PCSK5: variants seen among roughly 807,000 people sequenced by gnomAD.
PCSK5 encodes prohormone convertase 5.
A neutral mutation model predicts 233.2 loss-of-function variants in PCSK5; 129 were observed. That is an observed-to-expected ratio of 0.55 (90% CI 0.48 to 0.64). The LOEUF is 0.64. Ranked by LOEUF, PCSK5 falls within the 30% of genes least tolerant of loss-of-function variation. The pLI, the probability that PCSK5 is intolerant of heterozygous loss-of-function variation, is 0.00. For missense variants in PCSK5, 2,076 were observed against 2,430.1 expected (o/e 0.85, Z 3.06); for synonymous variants, 825 against 879.2 (o/e 0.94, Z 1.09).
In PCSK5 at chr9:76,240,666, T is replaced by C. The variant is rs1284134736; in HGVS notation, c.3124T>C (p.Cys1042Arg). The stretch of plus-strand genomic sequence containing the variant: ...AGAATGTGTCCCTTGTGAAGAAGGA[T>C]GTCTGGGATGCAGCTTGGGTATGTC... ...YEECVPCEEG[C>R]LGCSLDDPGT... Residue 1042 changes from cysteine to arginine, a missense_variant, in exon 24 of 38, where the codon TGT becomes CGT. By Grantham distance (180) the Cys-to-Arg change is radical (BLOSUM62 -3). Coordinates refer to ENST00000674117, the MANE Select transcript of PCSK5 (RefSeq NM_001372043.1). 6.3e-7 allele frequency: 1 copy of C among 1,582,308 alleles called. No homozygotes were observed. The highest frequency in any genetic ancestry group is 1.2e-5 in the South Asian group (1 of 86,452).
intron 30 of PCSK5, among the ~76,000 whole-genome samples, chr9:76,316,841 G>T (rs1239444729): frequency 6.6e-6 from 1 of 151,446 alleles, no homozygotes; most frequent in African/African-American, 2.4e-5. Context: ...AACTGCTGGT[G>T]GGCATATAAC....
intron 6 of PCSK5, among the ~76,000 whole-genome samples, chr9:76,071,136 A>C (rs965260981): frequency 6.6e-6 from 1 of 152,236 alleles, no homozygotes; most frequent in African/African-American, 2.4e-5. Context: ...ATAACTAAAC[A>C]TTGCTAAAAA....
chr9:76,330,784 T>C (rs1281620129), intron 33 of PCSK5, among the ~76,000 whole-genome samples: 2 of 152,250 alleles, frequency 1.3e-5, no homozygotes, highest in East Asian at 1.9e-4. Context: ...ACCAGTCTTC[T>C]CTATCCATCT....
At chr9:75,953,236 G>A (rs1299483669) in intron 2 of PCSK5, among the ~76,000 whole-genome samples, 1 of 152,114 alleles carries the variant, frequency 6.6e-6, no homozygotes, top group Non-Finnish European at 1.5e-5. Context: ...GCAAGTATGT[G>A]TAATCCACCC....
intron 24 of PCSK5, among the ~76,000 whole-genome samples, chr9:76,260,577 G>C (rs1418985135): frequency 6.6e-6 from 1 of 152,166 alleles, no homozygotes; most frequent in Admixed American, 6.5e-5. Context: ...TCAGCTGATA[G>C]CTAGCAAGGA....
chr9:76,103,540 A>C (rs116890473), intron 8 of PCSK5, among the ~76,000 whole-genome samples: 7,532 of 152,234 alleles, frequency 0.049, 294 homozygotes, highest in Non-Finnish European at 0.071. Flanking sequence ...AAGTAATGAA[A>C]TGTGAAATAC....
Position 76,175,063 on chromosome 9 carries a change from G to A in PCSK5, c.1834G>A (p.Val612Met), listed in dbSNP as rs2131196848. 2 of 1,614,184 alleles carry A rather than the reference G, an allele frequency of 1.2e-6. No homozygotes were observed. The highest frequency in any genetic ancestry group is 4.5e-5 in the East Asian group (2 of 44,882). ...PYSPTNEFPK[V>M]ERFRYSRVED... Reference sequence around the variant, plus strand: ...TTCACCAACCAATGAATTTCCGAAAGTGGAACGGTTCCGCTATAGCCGAGT... The same window carrying A: ...TTCACCAACCAATGAATTTCCGAAAATGGAACGGTTCCGCTATAGCCGAGT... Residue 612 changes from valine to methionine, a missense_variant, in exon 14 of 38, where the codon GTG (valine) becomes ATG (methionine). By Grantham distance (21) the Val-to-Met change is conservative. This residue lies in a region of PCSK5 where 84 missense variants were observed against 108.8 expected (regional missense o/e 0.77). Coordinates refer to ENST00000674117, the MANE Select transcript of PCSK5 (RefSeq NM_001372043.1).
intron 24 of PCSK5, among the ~76,000 whole-genome samples, chr9:76,246,978 C>T (rs550510522): frequency 1.6e-4 from 25 of 152,300 alleles, no homozygotes; most frequent in Admixed American, 1.0e-3. Flanking sequence ...TTCCAAGGAA[C>T]GGAATCTTGC....
chr9:75,973,597 A>G (rs972234502), intron 2 of PCSK5, among the ~76,000 whole-genome samples: 2 of 152,186 alleles, frequency 1.3e-5, no homozygotes, highest in African/African-American at 4.8e-5. Flanking sequence ...TCTCCGGGAA[A>G]TCTAATTAGA....
chr9:76,152,616 G>C (rs944549346), intron 10 of PCSK5, among the ~76,000 whole-genome samples: 2 of 152,120 alleles, frequency 1.3e-5, no homozygotes, highest in African/African-American at 2.4e-5. Context: ...TAATAATCGT[G>C]TTAGTGTCAT....
At chr9:76,265,338 A>T (rs568595402) in intron 24 of PCSK5, among the ~76,000 whole-genome samples, 6 of 152,224 alleles carry the variant, frequency 3.9e-5, no homozygotes, top group Admixed American at 3.9e-4. Flanking sequence ...CCTAAACCAC[A>T]GTGTCACTCG....
At chr9:75,992,234 C>T (rs912286629) in intron 3 of PCSK5, among the ~76,000 whole-genome samples, 2 of 152,170 alleles carry the variant, frequency 1.3e-5, no homozygotes, top group African/African-American at 4.8e-5. Context: ...ATCACTTGCG[C>T]TGAATTCGAA....
chr9:76,006,923 T>C (rs531536306), intron 3 of PCSK5, among the ~76,000 whole-genome samples: 1 of 152,304 alleles, frequency 6.6e-6, no homozygotes, highest in South Asian at 2.1e-4. Context: ...TCTTGAAGTG[T>C]AATGTTAAAG....
chr9:76,026,653 T>C (rs573591213), intron 4 of PCSK5, among the ~76,000 whole-genome samples: 1 of 152,288 alleles, frequency 6.6e-6, no homozygotes, highest in Admixed American at 6.5e-5. Context: ...CTTTGAAAGA[T>C]ATACGTTTCA....
chr9:75,939,786 C>G (rs1313508594), intron 2 of PCSK5, among the ~76,000 whole-genome samples: 1 of 152,128 alleles, frequency 6.6e-6, no homozygotes, highest in Non-Finnish European at 1.5e-5. Context: ...AAGGTTCTAG[C>G]CTATCAATCT....
At chr9:76,244,588 G>A (rs1194411598) in intron 24 of PCSK5, among the ~76,000 whole-genome samples, 1 of 91,980 alleles carries the variant, frequency 1.1e-5, no homozygotes, top group Non-Finnish European at 2.2e-5. Flanking sequence ...TTTTAGCTTT[G>A]TATTCCTTTC....
intron 5 of PCSK5, among the ~76,000 whole-genome samples, chr9:76,032,563 G>A (rs1315131469): frequency 6.6e-6 from 1 of 152,132 alleles, no homozygotes; most frequent in Non-Finnish European, 1.5e-5. Context: ...GTTCCCAAAT[G>A]GTGGTATGTC....
At chr9:76,051,393 T>C (rs576995430) in intron 5 of PCSK5, among the ~76,000 whole-genome samples, 2 of 152,260 alleles carry the variant, frequency 1.3e-5, no homozygotes, top group African/African-American at 4.8e-5. Flanking sequence ...GCTTAGGACA[T>C]AGTATGTGAA....
intron 3 of PCSK5, among the ~76,000 whole-genome samples, chr9:76,018,021 G>A (rs867020813): frequency 1.2e-4 from 4 of 34,438 alleles, no homozygotes; most frequent in Admixed American, 4.8e-4. Flanking sequence ...AAAAAAAAAT[G>A]TGTGAGGGAG....
Sources: allele counts gnomAD v4.1 joint callset (sites outside exome capture counted in the v4.1 genomes callset), GRCh38; gene constraint gnomAD v4.1.1; regional missense constraint gnomAD v4.1.1; transcripts MANE v1.5; gene names NCBI Gene and HGNC (gene_info 2026-07-23, HGNC 2026-07-21).